Variants in CAMKMT observed in about 807,000 individuals in gnomAD.
The protein encoded by CAMKMT is CaM KMT.
In CAMKMT, 53 loss-of-function variants were observed where a neutral mutation model predicts 48.0. The ratio of observed to expected loss-of-function variants is 1.10; its 90% confidence interval spans 0.89 to 1.39. CAMKMT has a LOEUF of 1.39. Ranked by LOEUF, CAMKMT falls within the 40% of genes most tolerant of loss-of-function variation. The pLI is 0.00. For missense variants in CAMKMT, 428 were observed against 402.7 expected, an observed-to-expected ratio of 1.06 and a Z score of -0.54; for synonymous variants, 165 against 152.3, an observed-to-expected ratio of 1.08 and a Z score of -0.61.
intron 3 of CAMKMT, among the ~76,000 whole-genome samples, chr2:44,449,605 A>G (rs1296605600): frequency 6.6e-6 from 1 of 151,930 alleles, no homozygotes; most frequent in Non-Finnish European, 1.5e-5. Flanking sequence ...GCTTCTTTTT[A>G]TTCTTTAGAC....
intron 7 of CAMKMT, among the ~76,000 whole-genome samples, chr2:44,725,273 T>G (rs1258153669): frequency 1.3e-5 from 2 of 152,104 alleles, no homozygotes; most frequent in African/African-American, 4.8e-5. Context: ...TAAAAGTTTT[T>G]TGCCTAAAAT....
intron 3 of CAMKMT, among the ~76,000 whole-genome samples, chr2:44,624,040 C>T (rs903835613): frequency 3.3e-5 from 5 of 151,456 alleles, no homozygotes; most frequent in Admixed American, 1.3e-4. Context: ...ATTTGTTCAT[C>T]CATTCCACCC....
At chr2:44,427,944 TG>T (rs755993502) in intron 3 of CAMKMT, among the ~76,000 whole-genome samples, 2 of 152,164 alleles carry the variant, frequency 1.3e-5, no homozygotes, top group Non-Finnish European at 2.9e-5. Flanking sequence ...GTGCAGTCTC[TG>T]GGGTGAATGT....
intron 3 of CAMKMT, among the ~76,000 whole-genome samples, chr2:44,569,579 A>G (rs1180569864): frequency 6.6e-6 from 1 of 152,040 alleles, no homozygotes; most frequent in Non-Finnish European, 1.5e-5. Context: ...CTCTCTTATT[A>G]TCTTTCATTG....
At chr2:44,771,174 T>C (rs1681092637) in intron 10 of CAMKMT, among the ~76,000 whole-genome samples, 1 of 152,156 alleles carries the variant, frequency 6.6e-6, no homozygotes, top group Non-Finnish European at 1.5e-5. Flanking sequence ...GGTGTTTGAC[T>C]AATTTAAACA....
intron 3 of CAMKMT, among the ~76,000 whole-genome samples, chr2:44,402,470 C>G (rs1005795072): frequency 4.0e-5 from 6 of 151,570 alleles, no homozygotes; most frequent in African/African-American, 1.5e-4. Context: ...TGTTAATTCT[C>G]TGTTGATTGA....
At chr2:44,562,741 A>G (rs529615319) in intron 3 of CAMKMT, among the ~76,000 whole-genome samples, 3 of 152,252 alleles carry the variant, frequency 2.0e-5, no homozygotes, top group African/African-American at 7.2e-5. Context: ...TTGTATTTTT[A>G]GTAGAGACGG....
chr2:44,383,019 TC>T lies in CAMKMT; in HGVS notation c.312-7221del, dbSNP rs1382685118. On this transcript the variant is annotated intron_variant, in intron 2 of 10. Transcript: ENST00000378494. The stretch of plus-strand genomic sequence containing the variant: ...GATCAAGGTGTTGGCAGGTTTGGTT[TC>T]TTCTGAGGCCTCTTCCCTTTGGCTT... Among the ~76,000 whole-genome samples the T allele has an allele frequency of 3.9e-5, 6 of 152,146 alleles. No individual in the cohort carries two copies. The East Asian group carries it at 1.2e-3, about 29-fold the overall frequency.
intron 3 of CAMKMT, among the ~76,000 whole-genome samples, chr2:44,406,181 T>C (rs1389023070): frequency 6.6e-6 from 1 of 152,242 alleles, no homozygotes; most frequent in African/African-American, 2.4e-5. Context: ...GGCATTTCTT[T>C]TTGTGTTTTA....
At chr2:44,480,930 G>A (rs1405384504) in intron 3 of CAMKMT, among the ~76,000 whole-genome samples, 1 of 151,944 alleles carries the variant, frequency 6.6e-6, no homozygotes, top group Non-Finnish European at 1.5e-5. Context: ...GGAAATGTAG[G>A]TTTTAGGGTT....
At position 44,634,800 on chromosome 2, in the gene CAMKMT, C is replaced by A. The variant is rs866763463; in HGVS notation, c.377-69483C>A. On this transcript the variant is annotated intron_variant, in intron 3 of 10. Coordinates refer to ENST00000378494, the MANE Select transcript of CAMKMT (RefSeq NM_024766.5). Reference sequence around the variant, plus strand: ...GGTATTCTCCAGGTTGAGGGCTAGCCAAAAAAAAAAAAGCATTCTAGTCAG... The same window carrying A: ...GGTATTCTCCAGGTTGAGGGCTAGCAAAAAAAAAAAAAGCATTCTAGTCAG... 6.6e-3 allele frequency among the ~76,000 whole-genome samples: 726 copies of A among 109,708 alleles called. 3 individuals carry two copies. Among genetic ancestry groups the A allele is most frequent in the South Asian group, 7.0e-3 (23 of 3,294 alleles). The allele number at this position is 109,708 out of a possible 152,430, so 72.0% of individuals were successfully genotyped here. A position where few individuals can be genotyped will look rare whatever the true frequency, so the allele number is the denominator to read the frequency against.
At chr2:44,625,018 A>T (rs1356867817) in intron 3 of CAMKMT, among the ~76,000 whole-genome samples, 4 of 152,158 alleles carry the variant, frequency 2.6e-5, no homozygotes. Context: ...GATTGCCGGA[A>T]TGGCTGGGTT....
intron 3 of CAMKMT, chr2:44,401,045 C>T (rs1682334741): frequency 1.3e-5 from 2 of 150,984 alleles, no homozygotes; most frequent in Admixed American, 6.6e-5. Context: ...GCAATCTCCA[C>T]AAGTGTTTAT....
At chr2:44,679,191 T>C (rs888839286) in intron 3 of CAMKMT, among the ~76,000 whole-genome samples, 2 of 152,182 alleles carry the variant, frequency 1.3e-5, no homozygotes, top group Non-Finnish European at 2.9e-5. Context: ...GGTGAATCAA[T>C]GCTTGAGGAA....
In CAMKMT at chr2:44,362,122, G is replaced by A. The variant is rs754294060; in HGVS notation, c.115G>A (p.Ala39Thr). 3.4e-6 allele frequency: 5 copies of A among 1,475,304 alleles called. No homozygotes were observed. Among genetic ancestry groups the A allele is most frequent in the Admixed American group, 5.7e-5 (2 of 34,828 alleles). 91.4% of individuals were successfully genotyped at this position (1,475,304 alleles called of 1,614,324 possible). A position where few individuals can be genotyped will look rare whatever the true frequency, so the allele number is the denominator to read the frequency against. The change falls in exon 1 of 11, where the codon GCC becomes ACC. Residue 39 changes from alanine (A) to threonine (T), a missense_variant. Physicochemically the swap from Ala to Thr is moderately conservative, Grantham distance 58. Coordinates refer to ENST00000378494, the MANE Select transcript of CAMKMT (RefSeq NM_024766.5). ...GPVVSAPLGA[A>T]RWKLLRQVLK... ...CGTAGTCTCGGCGCCCCTGGGAGCC[G>A]CCCGGTGGAAGCTCCTGCGGCAGGT...
chr2:44,598,366 A>G (rs1482135822), intron 3 of CAMKMT, among the ~76,000 whole-genome samples: 1 of 152,084 alleles, frequency 6.6e-6, no homozygotes, highest in Non-Finnish European at 1.5e-5. Flanking sequence ...AAGTTATGCA[A>G]AAATAGATTA....
At chr2:44,599,074 T>C (rs1427763136) in intron 3 of CAMKMT, among the ~76,000 whole-genome samples, 1 of 152,124 alleles carries the variant, frequency 6.6e-6, no homozygotes, top group African/African-American at 2.4e-5. Flanking sequence ...TTTCTGTGGA[T>C]GTTGACACAT....
At chr2:44,764,686 A>G (rs1220518433) in intron 9 of CAMKMT, among the ~76,000 whole-genome samples, 2 of 152,148 alleles carry the variant, frequency 1.3e-5, no homozygotes, top group Non-Finnish European at 2.9e-5. Flanking sequence ...ATATTCTTCA[A>G]ATCCTTCACT....
chr2:44,609,433 TTGTC>T (rs1471658252), intron 3 of CAMKMT, among the ~76,000 whole-genome samples: 1 of 152,166 alleles, frequency 6.6e-6, no homozygotes, highest in Non-Finnish European at 1.5e-5. Context: ...ATATACACAA[TTGTC>T]TGTCAATTTT....
Sources: gnomAD v4.1 joint callset for allele counts (sites outside exome capture counted in the v4.1 genomes callset) on GRCh38, gnomAD v4.1.1 for gene constraint, MANE v1.5 for transcripts, NCBI Gene and HGNC (gene_info 2026-07-23, HGNC 2026-07-21) for gene names.